The following RAD51B variants were observed in gnomAD, a reference collection of about 807,000 sequenced individuals.
RAD51B encodes the protein DNA repair protein RAD51 homolog 2.
RAD51B carries 38 observed loss-of-function variants against 42.2 expected under a neutral mutation model. The observed-to-expected ratio is 0.90, with a 90% confidence interval of 0.70 to 1.18. RAD51B has a LOEUF of 1.18. Ranked by LOEUF, RAD51B falls within the 50% of genes most tolerant of loss-of-function variation. The pLI is 0.00. For synonymous variants in RAD51B, 154 were observed against 145.2 expected (o/e 1.06, Z -0.43); for missense variants, 373 against 400.7 (o/e 0.93, Z 0.59).
At chr14:68,077,573 A>C (rs961190886) in intron 7 of RAD51B, among the ~76,000 whole-genome samples, 1 of 152,264 alleles carries the variant, frequency 6.6e-6, no homozygotes, top group African/African-American at 2.4e-5. Context: ...TCACAAGCTC[A>C]TACTCCGAGA....
At position 67,913,416 on chromosome 14, in the gene RAD51B, A is replaced by G. The variant is rs749750415; in HGVS notation, c.756+26212A>G. Among the ~76,000 whole-genome samples the G allele has an allele frequency of 4.6e-5, 7 of 152,204 alleles. No homozygotes were observed. In the South Asian group the frequency reaches 1.0e-3, roughly 22 times the overall value. On this transcript the variant is annotated intron_variant, in intron 7 of 10. Coordinates refer to ENST00000471583, the MANE Select transcript of RAD51B (RefSeq NM_133510.4). ...GGGTGTCTCTGGGACTTTATCAGGT[A>G]TCTGCAAAGTTAAAACTATTTTCGT... is the stretch of plus-strand genomic sequence containing the variant.
At chr14:68,673,057 C>T (rs550343314) in intron 11 of RAD51B, among the ~76,000 whole-genome samples, 1 of 152,156 alleles carries the variant, frequency 6.6e-6, no homozygotes, top group African/African-American at 2.4e-5. Flanking sequence ...ATGCACTAGC[C>T]AGAATTGGTC....
intron 7 of RAD51B, among the ~76,000 whole-genome samples, chr14:67,896,208 T>C (rs539409441): frequency 2.6e-5 from 4 of 152,322 alleles, no homozygotes; most frequent in African/African-American, 9.6e-5. Flanking sequence ...TAGGCAATTT[T>C]TGAAATGCAT....
At chr14:68,294,106 A>C (rs2081568068) in intron 8 of RAD51B, among the ~76,000 whole-genome samples, 2 of 152,184 alleles carry the variant, frequency 1.3e-5, no homozygotes, top group South Asian at 4.1e-4. Context: ...ATCAGTAAGT[A>C]CTTTTATTTG....
chr14:68,089,056 T>C (rs1240659693), intron 7 of RAD51B, among the ~76,000 whole-genome samples: 2 of 152,170 alleles, frequency 1.3e-5, no homozygotes, highest in African/African-American at 4.8e-5. Flanking sequence ...TCATGAACTT[T>C]TAATATAAAG....
intron 8 of RAD51B, among the ~76,000 whole-genome samples, chr14:68,343,517 G>A (rs1399347437): frequency 6.6e-6 from 1 of 152,226 alleles, no homozygotes; most frequent in Non-Finnish European, 1.5e-5. Flanking sequence ...ACATTTAAAA[G>A]GGAAGCAGAG....
At chr14:68,254,087 G>A (rs2080700647) in intron 7 of RAD51B, among the ~76,000 whole-genome samples, 1 of 152,116 alleles carries the variant, frequency 6.6e-6, no homozygotes. Context: ...TTAGGAACTT[G>A]GAAAGGACTT....
intron 10 of RAD51B, chr14:68,563,350 A>T (rs537031632): frequency 1.0e-6 from 1 of 985,384 alleles, no homozygotes; most frequent in East Asian, 1.1e-4. Context: ...TCAGCCTGCC[A>T]GGCCTTCCCA....
At chr14:68,247,716 A>AT (rs1162236894) in intron 7 of RAD51B, among the ~76,000 whole-genome samples, 1 of 152,104 alleles carries the variant, frequency 6.6e-6, no homozygotes, top group African/African-American at 2.4e-5. Flanking sequence ...TATTTGGGGG[A>AT]TTTTTTATAT....
At chr14:68,512,558 GAC>G (rs1301039714) in intron 10 of RAD51B, among the ~76,000 whole-genome samples, 1 of 152,184 alleles carries the variant, frequency 6.6e-6, no homozygotes, top group African/African-American at 2.4e-5. Context: ...TGTAGAGTGA[GAC>G]AGCCTAAGCC....
intron 8 of RAD51B, among the ~76,000 whole-genome samples, chr14:68,328,606 A>C (rs564882912): frequency 6.6e-6 from 1 of 152,212 alleles, no homozygotes; most frequent in Non-Finnish European, 1.5e-5. Flanking sequence ...TTTCTTCTCC[A>C]TCTATGTGGT....
At chr14:67,975,208 T>C (rs2074970020) in intron 7 of RAD51B, among the ~76,000 whole-genome samples, 1 of 152,232 alleles carries the variant, frequency 6.6e-6, no homozygotes, top group South Asian at 2.1e-4. Flanking sequence ...CACAAATGAA[T>C]GCTGTTATTC....
rs992130165 is a variant in RAD51B, at chr14:68,547,701, T to G, written c.1037-46784T>G. Among the ~76,000 whole-genome samples, 4 of 152,274 alleles carry G rather than the reference T, an allele frequency of 2.6e-5. 1 individual carries two copies. Among genetic ancestry groups the G allele is most frequent in the Middle Eastern group, 6.8e-3 (2 of 294 alleles). On this transcript the variant is annotated intron_variant, in intron 10 of 10. Transcript: ENST00000487270. ...CAAGTACAAGTGAGCAGGTCATGAG[T>G]CACCAAGCCTCTTTTCCTGGGCGTT...
In RAD51B at chr14:68,468,096, A is replaced by T. The variant is rs922984854; in HGVS notation, c.958-76A>T. 6.9e-6 allele frequency: 9 copies of T among 1,309,964 alleles called. No homozygotes were observed. In the African/African-American group the frequency reaches 1.2e-4, roughly 17 times the overall value. 81.1% of individuals were successfully genotyped at this position (1,309,964 alleles called of 1,614,324 possible). On this transcript the variant is annotated intron_variant, in intron 9 of 10. Coordinates refer to ENST00000471583, the MANE Select transcript of RAD51B (RefSeq NM_133510.4). ...CAGTCCTATGTTACCACTTTGTCTC[A>T]AAGTGGGAAGGGGAGTGAATAGAGG... is the stretch of plus-strand genomic sequence containing the variant.
At chr14:68,299,509 G>A (rs1383954609) in intron 8 of RAD51B, among the ~76,000 whole-genome samples, 2 of 152,114 alleles carry the variant, frequency 1.3e-5, no homozygotes. Flanking sequence ...GTATCCAGGA[G>A]GATGTGTGTA....
At chr14:68,482,816 T>C (rs1883306762), downstream of RAD51B, among the ~76,000 whole-genome samples, 1 of 152,182 alleles carries the variant, frequency 6.6e-6, no homozygotes, top group African/African-American at 2.4e-5. Flanking sequence ...AAACTCCAAA[T>C]AGATCTGGGA....
chr14:68,030,695 T>C (rs2076027599), intron 7 of RAD51B, among the ~76,000 whole-genome samples: 1 of 152,246 alleles, frequency 6.6e-6, no homozygotes, highest in Non-Finnish European at 1.5e-5. Context: ...GAGTAGCAGA[T>C]TTAATTTCCC....
chr14:68,206,507 A>G (rs1308149502), intron 7 of RAD51B, among the ~76,000 whole-genome samples: 4 of 152,168 alleles, frequency 2.6e-5, no homozygotes, highest in Admixed American at 1.3e-4. Context: ...ACATTTTCTA[A>G]TAAGCAGGAG....
chr14:68,525,317 C>T (rs1159687347), intron 10 of RAD51B, among the ~76,000 whole-genome samples: 1 of 152,246 alleles, frequency 6.6e-6, no homozygotes, highest in Non-Finnish European at 1.5e-5. Context: ...CCAGTGAGAC[C>T]CATGTCAGAC....
Sources: allele counts gnomAD v4.1 joint callset (sites outside exome capture counted in the v4.1 genomes callset), GRCh38; gene constraint gnomAD v4.1.1; transcripts MANE v1.5; gene names NCBI Gene and HGNC (gene_info 2026-07-23, HGNC 2026-07-21).